Variants in GFOD1 observed in about 807,000 individuals in gnomAD.
The protein encoded by GFOD1 is Gfo/Idh/MocA-like oxidoreductase domain containing 1.
Under a neutral mutation model 25.4 loss-of-function variants are expected in GFOD1, and 9 were observed. The observed-to-expected ratio is 0.35, with a 90% confidence interval of 0.21 to 0.62. The LOEUF (loss-of-function observed/expected upper bound fraction) is 0.62. GFOD1 is among the 20% of genes least tolerant of loss of function. The probability of loss-of-function intolerance (pLI) is 0.72; values close to 1 mark genes in which losing one functional copy is unlikely to be tolerated. For synonymous variants in GFOD1, 253 were observed against 245.6 expected (o/e 1.03, Z -0.28); for missense variants, 403 against 556.9 (o/e 0.72, Z 2.78).
chr6:13,402,733 T>C lies in GFOD1; in HGVS notation c.254-37071A>G, dbSNP rs535760837. 6.8e-4 allele frequency among the ~76,000 whole-genome samples: 104 copies of C among 152,216 alleles called. 2 individuals carry two copies. The highest frequency in any genetic ancestry group is 2.8e-4 in the Non-Finnish European group (19 of 68,036). On this transcript the variant is annotated intron_variant, in intron 1 of 1. Coordinates refer to ENST00000379287, the MANE Select transcript of GFOD1 (RefSeq NM_018988.4). The stretch of plus-strand genomic sequence containing the variant: ...AACCCTCAAACATTGCTCGTAAGAA[T>C]GTACAATGGTGTAGCCACTTTGAAA...
chr6:13,470,500 G>T, intron 1 of GFOD1: 1 of 1,549,960 alleles, frequency 6.5e-7, no homozygotes, highest in Non-Finnish European at 8.7e-7. Context: ...GAGCAGCATC[G>T]TGGGGGGTAA....
intron 1 of GFOD1, chr6:13,407,871 G>T: frequency 1.7e-6 from 1 of 603,128 alleles, no homozygotes; most frequent in Non-Finnish European, 2.1e-6. Context: ...GAAATAAATA[G>T]GGTGACTCCA....
chr6:13,421,169 A>G (rs1786250215), intron 1 of GFOD1, among the ~76,000 whole-genome samples: 1 of 152,150 alleles, frequency 6.6e-6, no homozygotes, highest in Admixed American at 6.5e-5. Context: ...TGTTGGTGTT[A>G]TCACATGCAT....
chr6:13,432,164 A>G (rs997830716), intron 1 of GFOD1, among the ~76,000 whole-genome samples: 3 of 152,292 alleles, frequency 2.0e-5, no homozygotes, highest in Non-Finnish European at 4.4e-5. Context: ...GAAACAGAAG[A>G]CAGCCATTTT....
chr6:13,478,159 A>G (rs1758669804), intron 1 of GFOD1, among the ~76,000 whole-genome samples: 1 of 151,948 alleles, frequency 6.6e-6, no homozygotes, highest in Non-Finnish European at 1.5e-5. Flanking sequence ...GTTTTGAGAC[A>G]GAGTTTTTTT....
chr6:13,407,659 C>T (rs7750943), intron 1 of GFOD1, among the ~76,000 whole-genome samples: 18,286 of 152,116 alleles, frequency 0.12, 1,768 homozygotes, highest in African/African-American at 0.27. Context: ...GAATCAAAAG[C>T]GGGAATGGGG....
chr6:13,462,912 C>T (rs915834579), intron 1 of GFOD1, among the ~76,000 whole-genome samples: 2 of 152,150 alleles, frequency 1.3e-5, no homozygotes, highest in Non-Finnish European at 2.9e-5. Flanking sequence ...AAAGCAACAG[C>T]GAGATAAAAG....
At chr6:13,484,834 AG>A (rs1758829307) in intron 1 of GFOD1, among the ~76,000 whole-genome samples, 1 of 152,232 alleles carries the variant, frequency 6.6e-6, no homozygotes, top group South Asian at 2.1e-4. Context: ...AACCCAGGAC[AG>A]GAACTGCCAT....
At chr6:13,372,554 T>C (rs772731594) in intron 1 of GFOD1, among the ~76,000 whole-genome samples, 31 of 152,326 alleles carry the variant, frequency 2.0e-4, no homozygotes, top group South Asian at 2.1e-4. Context: ...GGCTGACACT[T>C]GATCCAAATG....
chr6:13,455,205 A>G (rs2434396), intron 1 of GFOD1, among the ~76,000 whole-genome samples: 52,075 of 152,048 alleles, frequency 0.34, 10,547 homozygotes, highest in Middle Eastern at 0.51. Context: ...GCAGTGAGCA[A>G]TACACCCAGA....
chr6:13,392,596 T>C (rs1411865211), intron 1 of GFOD1, among the ~76,000 whole-genome samples: 2 of 152,174 alleles, frequency 1.3e-5, no homozygotes, highest in African/African-American at 2.4e-5. Flanking sequence ...GCAGACCCTG[T>C]TGCTGTACCC....
chr6:13,397,837 CAT>C (rs945836624), intron 1 of GFOD1, among the ~76,000 whole-genome samples: 2 of 152,202 alleles, frequency 1.3e-5, no homozygotes, highest in African/African-American at 2.4e-5. Context: ...GCAAATGAAA[CAT>C]ATTTTATATG....
chr6:13,372,827 G>A (rs1157646688), intron 1 of GFOD1, among the ~76,000 whole-genome samples: 2 of 152,112 alleles, frequency 1.3e-5, no homozygotes, highest in Admixed American at 6.5e-5. Flanking sequence ...AATCTCAGAG[G>A]CAATGCTACT....
intron 1 of GFOD1, among the ~76,000 whole-genome samples, chr6:13,409,483 G>A (rs1038174907): frequency 6.6e-6 from 1 of 152,170 alleles, no homozygotes; most frequent in Non-Finnish European, 1.5e-5. Flanking sequence ...CATGAGATTA[G>A]GGGACTGCAA....
At chr6:13,468,450 A>G (rs1232518949) in intron 1 of GFOD1, among the ~76,000 whole-genome samples, 1 of 152,198 alleles carries the variant, frequency 6.6e-6, no homozygotes, top group Non-Finnish European at 1.5e-5. Context: ...ACTGAACACT[A>G]TTGTGCATGT....
intron 1 of GFOD1, among the ~76,000 whole-genome samples, chr6:13,398,682 C>A (rs1294072472): frequency 6.6e-6 from 1 of 152,154 alleles, no homozygotes; most frequent in African/African-American, 2.4e-5. Flanking sequence ...TGCCTGCAGG[C>A]AGAAAGAGGC....
chr6:13,452,064 T>C (rs1455553825), intron 1 of GFOD1, among the ~76,000 whole-genome samples: 3 of 152,128 alleles, frequency 2.0e-5, no homozygotes, highest in Admixed American at 1.3e-4. Context: ...CAAAGAGAGA[T>C]GCTCAGGTGG....
intron 1 of GFOD1, among the ~76,000 whole-genome samples, chr6:13,450,609 T>G (rs1758079916): frequency 6.6e-6 from 1 of 152,148 alleles, no homozygotes. Context: ...CAAATAGCAG[T>G]GGCTACAGAT....
chr6:13,436,817 C>T (rs1015291690), intron 1 of GFOD1, among the ~76,000 whole-genome samples: 1 of 152,172 alleles, frequency 6.6e-6, no homozygotes, highest in Admixed American at 6.5e-5. Context: ...GATGAGCTAT[C>T]GGATTACTCC....
Sources: gnomAD v4.1 joint callset for allele counts (sites outside exome capture counted in the v4.1 genomes callset) on GRCh38, gnomAD v4.1.1 for gene constraint, MANE v1.5 for transcripts, NCBI Gene and HGNC (gene_info 2026-07-23, HGNC 2026-07-21) for gene names.